Variants in HCN1 observed in about 807,000 individuals in gnomAD.
HCN1 encodes hyperpolarization activated cyclic nucleotide gated potassium channel 1, also known as potassium/sodium hyperpolarization-activated cyclic nucleotide-gated channel 1.
In HCN1, 13 loss-of-function variants were observed where a neutral mutation model predicts 78.9. The ratio of observed to expected loss-of-function variants is 0.16; its 90% CI spans 0.11 to 0.26. The LOEUF (loss-of-function observed/expected upper bound fraction) is 0.26. Ranked by LOEUF, HCN1 falls within the 10% of genes least tolerant of loss-of-function variation. HCN1 has a pLI of 1.00. For synonymous variants in HCN1, 552 were observed against 455.5 expected (o/e 1.21, Z -2.70); for missense variants, 810 against 1,154.3 (o/e 0.70, Z 4.32).
rs1742752774 is a variant in HCN1, at chr5:45,527,095, C to T, written c.850-65088G>A. On this transcript the variant is annotated intron_variant, in intron 2 of 7. Transcript: ENST00000303230. ...TCTCTGTCTCTCTCACACACACTGA[C>T]ATTCACATCCTTTCCTACACAGACT... Among the ~76,000 whole-genome samples the T allele has an allele frequency of 1.5e-5, 2 of 135,386 alleles. 1 individual carries two copies. Among genetic ancestry groups the T allele is most frequent in the African/African-American group, 5.6e-5 (2 of 35,932 alleles). 88.8% of individuals were successfully genotyped at this position (135,386 alleles called of 152,430 possible). A position where few individuals can be genotyped will look rare whatever the true frequency, so the allele number is the denominator to read the frequency against.
intron 2 of HCN1, among the ~76,000 whole-genome samples, chr5:45,524,112 T>C (rs920805059): frequency 3.9e-5 from 6 of 152,196 alleles, no homozygotes; most frequent in East Asian, 1.9e-4. Flanking sequence ...ATTTATTAAA[T>C]AGGGAATCCT....
chr5:45,630,354 C>T (rs1478468296), intron 2 of HCN1, among the ~76,000 whole-genome samples: 5 of 152,144 alleles, frequency 3.3e-5, no homozygotes, highest in Non-Finnish European at 7.4e-5. Flanking sequence ...TTGTTAATCT[C>T]TCTGTGCCTC....
At chr5:45,559,812 C>T (rs1561201027) in intron 2 of HCN1, 1 of 152,098 alleles carries the variant, frequency 6.6e-6, no homozygotes, top group Non-Finnish European at 1.5e-5. Flanking sequence ...TATCAAATAA[C>T]ATTATGTGCT....
At chr5:45,364,789 T>C (rs1216607137) in intron 4 of HCN1, among the ~76,000 whole-genome samples, 1 of 152,130 alleles carries the variant, frequency 6.6e-6, no homozygotes, top group East Asian at 1.9e-4. Context: ...AACATGAAGA[T>C]TCACATTCAG....
chr5:45,565,426 A>T (rs1334674019), intron 2 of HCN1, among the ~76,000 whole-genome samples: 1 of 152,174 alleles, frequency 6.6e-6, no homozygotes, highest in Non-Finnish European at 1.5e-5. Context: ...CTGTTCCACC[A>T]TTAAACAATA....
chr5:45,468,209 T>C (rs1457839997), intron 2 of HCN1, among the ~76,000 whole-genome samples: 1 of 152,160 alleles, frequency 6.6e-6, no homozygotes, highest in African/African-American at 2.4e-5. Context: ...GTGGCACAGA[T>C]ATGATGATAC....
intron 2 of HCN1, among the ~76,000 whole-genome samples, chr5:45,519,999 C>A (rs925491931): frequency 6.6e-6 from 1 of 151,882 alleles, no homozygotes; most frequent in Non-Finnish European, 1.5e-5. Context: ...TTCATTGCCA[C>A]AAAATACTGA....
At chr5:45,353,349 T>TA (rs1245672104) in intron 4 of HCN1, 103 bp from the exon 5 acceptor site, 1 of 866,072 alleles carries the variant, frequency 1.2e-6, no homozygotes, top group Non-Finnish European at 1.8e-6. Flanking sequence ...AATACTCAGT[T>TA]ACAAAAAAAA....
At chr5:45,330,806 T>C (rs1746328956) in intron 5 of HCN1, among the ~76,000 whole-genome samples, 2 of 151,040 alleles carry the variant, frequency 1.3e-5, no homozygotes, top group African/African-American at 4.8e-5. Context: ...TTAAAAAAAT[T>C]TTCAAATATA....
At position 45,257,830 on chromosome 5, in the gene HCN1, T is replaced by C. The variant is rs1159079365; in HGVS notation, c.*4091A>G. ...TAGAACTGTATTTTATTTATTTGTA[T>C]GTGCTACAATTTGGTGCATGCAGCA... is the stretch of plus-strand genomic sequence containing the variant. On this transcript the variant is annotated 3_prime_UTR_variant, in exon 8 of 8. Coordinates refer to ENST00000303230, the MANE Select transcript of HCN1 (RefSeq NM_021072.4). 6.6e-6 allele frequency: 1 copy of C among 152,168 alleles called. No individual in the cohort carries two copies. The highest frequency in any genetic ancestry group is 1.5e-5 in the Non-Finnish European group (1 of 68,040). The allele number at this position is 152,168 out of a possible 1,614,324, so 9.4% of individuals were successfully genotyped here.
At chr5:45,549,500 G>C (rs1278622447) in intron 2 of HCN1, among the ~76,000 whole-genome samples, 17 of 152,120 alleles carry the variant, frequency 1.1e-4, no homozygotes, top group Non-Finnish European at 1.3e-4. Context: ...ATTAATCCAA[G>C]ATGGATTAAA....
Position 45,262,013 on chromosome 5 carries a change from G to T in HCN1, c.2581C>A (p.Pro861Thr), listed in dbSNP as rs756753787. 15 of 1,613,992 alleles carry T rather than the reference G, an allele frequency of 9.3e-6. No individual in the cohort carries two copies. Among genetic ancestry groups the T allele is most frequent in the Admixed American group, 1.7e-5 (1 of 60,006 alleles). Residue 861 changes from proline (P) to threonine (T), a missense_variant, in exon 8 of 8, where the codon CCT becomes ACT. This residue lies in a region of HCN1 where 398 missense variants were observed against 381.3 expected (regional missense o/e 1.04). Transcript: ENST00000303230. ...CTTGGAAGAGCAGCTGCTGGTGGAGGGGGTGCTGGAGGGACTCCTCGGTTC... is the reference window on the plus strand; with the variant it reads ...CTTGGAAGAGCAGCTGCTGGTGGAGTGGGTGCTGGAGGGACTCCTCGGTTC... ...PPNRGVPPAP[P>T]PPAAALPRES...
intron 1 of HCN1, among the ~76,000 whole-genome samples, chr5:45,680,353 T>C (rs1739679832): frequency 6.6e-6 from 1 of 151,750 alleles, no homozygotes; most frequent in South Asian, 2.1e-4. Context: ...TAAAAAAGTA[T>C]TGATTATTTA....
In HCN1 at chr5:45,356,288, T is replaced by C. The variant is rs528907298; in HGVS notation, c.1231-3042A>G. ...TTCTTTGGAAACATAAGATCAAAAG[T>C]TTATTCCATCAGATCTAAAGAGACT... On this transcript the variant is annotated intron_variant, in intron 4 of 7. Transcript: ENST00000303230. Among the ~76,000 whole-genome samples the C allele has an allele frequency of 3.9e-5, 6 of 152,050 alleles. No homozygotes were observed. In the South Asian group the frequency reaches 1.0e-3, roughly 26 times the overall value.
intron 1 of HCN1, among the ~76,000 whole-genome samples, chr5:45,649,123 T>C (rs1745628909): frequency 6.6e-6 from 1 of 151,996 alleles, no homozygotes; most frequent in Non-Finnish European, 1.5e-5. Context: ...ATTACTTCCA[T>C]TCCAGCTATC....
intron 2 of HCN1, among the ~76,000 whole-genome samples, chr5:45,488,447 T>C (rs1467585267): frequency 6.6e-6 from 1 of 152,128 alleles, no homozygotes; most frequent in Non-Finnish European, 1.5e-5. Flanking sequence ...ATCTCAATAA[T>C]TTATATCAAA....
At chr5:45,499,607 T>C (rs1292453067) in intron 2 of HCN1, among the ~76,000 whole-genome samples, 1 of 152,094 alleles carries the variant, frequency 6.6e-6, no homozygotes, top group Non-Finnish European at 1.5e-5. Flanking sequence ...CCATCTTGGC[T>C]CCTCCCCCTG....
chr5:45,274,607 C>G (rs1745019030), intron 6 of HCN1, among the ~76,000 whole-genome samples: 1 of 152,102 alleles, frequency 6.6e-6, no homozygotes, highest in Non-Finnish European at 1.5e-5. Flanking sequence ...TCTAATTTTT[C>G]CTTATGATTT....
chr5:45,334,527 T>A (rs1189315624), intron 5 of HCN1, among the ~76,000 whole-genome samples: 1 of 151,988 alleles, frequency 6.6e-6, no homozygotes, highest in Non-Finnish European at 1.5e-5. Flanking sequence ...TTTTTTCTTA[T>A]ACTTTTTTCC....
Sources: gnomAD v4.1 joint callset for allele counts (sites outside exome capture counted in the v4.1 genomes callset) on GRCh38, gnomAD v4.1.1 for gene constraint, gnomAD v4.1.1 regional missense constraint, MANE v1.5 for transcripts, NCBI Gene and HGNC (gene_info 2026-07-23, HGNC 2026-07-21) for gene names.